PGCKA1: variants seen among roughly 807,000 people sequenced by gnomAD.
PGCKA1 encodes the protein PDCD10 and GCKIII kinases associated 1, also known as PDCD10 and GCKIII kinases-associated protein 1.
the PGCKA1 span, among the ~76,000 whole-genome samples, chr4:37,543,702 C>T: frequency 2.6e-5 from 4 of 150,958 alleles, no homozygotes; most frequent in East Asian, 1.9e-4. Context: ...GGCGTGGTGG[C>T]GGGCGCCTGT....
the PGCKA1 span, among the ~76,000 whole-genome samples, chr4:37,472,104 G>A: frequency 6.6e-6 from 1 of 152,180 alleles, no homozygotes; most frequent in Admixed American, 6.5e-5. Flanking sequence ...TTGGAAATGG[G>A]GAAGCTGCAT....
chr4:37,546,669 A>T, the PGCKA1 span, among the ~76,000 whole-genome samples: 1 of 152,136 alleles, frequency 6.6e-6, no homozygotes. Context: ...ATCCTGCTAC[A>T]TTTCTTGGTT....
chr4:37,560,438 C>T, the PGCKA1 span, among the ~76,000 whole-genome samples: 1 of 152,184 alleles, frequency 6.6e-6, no homozygotes, highest in African/African-American at 2.4e-5. Context: ...TAGGCCTTTA[C>T]CTGGATTGCC....
the PGCKA1 span, among the ~76,000 whole-genome samples, chr4:37,581,079 G>C: frequency 2.6e-5 from 4 of 152,074 alleles, no homozygotes; most frequent in Non-Finnish European, 5.9e-5. The surrounding 1 kb of genome is among the most constrained non-coding windows in gnomAD (Gnocchi z 4.4). Flanking sequence ...AGGCCCAAGG[G>C]CTCCTCAGAC....
the PGCKA1 span, among the ~76,000 whole-genome samples, chr4:37,508,439 C>T: frequency 3.9e-5 from 6 of 151,950 alleles, no homozygotes; most frequent in Non-Finnish European, 8.8e-5. Flanking sequence ...TTTCAAATAG[C>T]ATGTCTTCAA....
chr4:37,505,894 A>G, the PGCKA1 span, among the ~76,000 whole-genome samples: 3 of 152,250 alleles, frequency 2.0e-5, no homozygotes, highest in Admixed American at 2.0e-4. Flanking sequence ...GTACAATTAC[A>G]GTAGTAAAGC....
chr4:37,565,434 G>T, the PGCKA1 span, among the ~76,000 whole-genome samples: 1 of 152,160 alleles, frequency 6.6e-6, no homozygotes, highest in Non-Finnish European at 1.5e-5. Flanking sequence ...GAAGTGCAAG[G>T]TCAGCCATGG....
the PGCKA1 span, chr4:37,590,755 T>A: frequency 1.2e-6 from 2 of 1,614,148 alleles, no homozygotes; most frequent in Non-Finnish European, 1.7e-6. Context: ...TACGCCCTTC[T>A]CTGTGAGGAG....
the PGCKA1 span, among the ~76,000 whole-genome samples, chr4:37,537,200 C>T: frequency 6.6e-6 from 1 of 152,192 alleles, no homozygotes; most frequent in African/African-American, 2.4e-5. Flanking sequence ...GTTCTGCCCT[C>T]CAGAATTTCC....
the PGCKA1 span, chr4:37,590,293 C>T: frequency 6.2e-7 from 1 of 1,614,036 alleles, no homozygotes; most frequent in Non-Finnish European, 8.5e-7. Context: ...CTGCTGGCCT[C>T]ACCAAGGGCC....
At chr4:37,471,340 C>CTAAGT in the PGCKA1 span, among the ~76,000 whole-genome samples, 63,050 of 151,568 alleles carry the variant, frequency 0.42, 13,925 homozygotes, top group Non-Finnish European at 0.5. Flanking sequence ...AAATATTCTC[C>CTAAGT]TAAGTTTTCA....
the PGCKA1 span, among the ~76,000 whole-genome samples, chr4:37,554,502 C>A: frequency 6.6e-6 from 1 of 152,094 alleles, no homozygotes; most frequent in African/African-American, 2.4e-5. Flanking sequence ...CATGTGCCAC[C>A]ACGCCTGGCT....
the PGCKA1 span, among the ~76,000 whole-genome samples, chr4:37,480,803 T>C: frequency 2.0e-5 from 3 of 152,242 alleles, no homozygotes; most frequent in Non-Finnish European, 2.9e-5. Context: ...ATGTTTCTGG[T>C]TGGAAATGTT....
At chr4:37,578,461 A>C in the PGCKA1 span, among the ~76,000 whole-genome samples, 2 of 152,144 alleles carry the variant, frequency 1.3e-5, no homozygotes, top group African/African-American at 4.8e-5. Flanking sequence ...ATGTGTTTCT[A>C]ATAGGCAACA....
chr4:37,565,374 G>T, the PGCKA1 span, among the ~76,000 whole-genome samples: 2 of 152,020 alleles, frequency 1.3e-5, no homozygotes, highest in Non-Finnish European at 2.9e-5. Flanking sequence ...TCATGTAGAA[G>T]GGGGGGCTCT....
the PGCKA1 span, among the ~76,000 whole-genome samples, chr4:37,570,299 T>C: frequency 1.1e-3 from 173 of 151,648 alleles, 2 homozygotes; most frequent in African/African-American, 4.0e-3. Flanking sequence ...CGCCCGGCTG[T>C]CTGCATATAA....
the PGCKA1 span, among the ~76,000 whole-genome samples, chr4:37,519,278 G>A: frequency 7.3e-6 from 1 of 137,650 alleles, no homozygotes; most frequent in African/African-American, 2.9e-5. Context: ...TAAATTTTTA[G>A]GATTTTTTTT....
At chr4:37,553,563 A>G in the PGCKA1 span, among the ~76,000 whole-genome samples, 2 of 152,236 alleles carry the variant, frequency 1.3e-5, no homozygotes, top group Admixed American at 6.5e-5. Context: ...TGATTGTAAC[A>G]TGTACCATTA....
the PGCKA1 span, among the ~76,000 whole-genome samples, chr4:37,550,382 A>G: frequency 3.3e-5 from 5 of 152,220 alleles, no homozygotes; most frequent in East Asian, 1.9e-4. Context: ...AAAATTAAGT[A>G]TATCTGTCAA....
Sources: gnomAD v4.1 joint callset for allele counts (sites outside exome capture counted in the v4.1 genomes callset) on GRCh38, gnomAD v4.1.1 for gene constraint, Gnocchi (gnomAD v3.1) non-coding constraint, MANE v1.5 for transcripts, NCBI Gene and HGNC (gene_info 2026-07-23, HGNC 2026-07-21) for gene names.